The following MACROD1 variants were observed in gnomAD, a reference collection of about 807,000 sequenced individuals.
MACROD1 encodes mono-ADP ribosylhydrolase 1.
A neutral mutation model predicts 41.4 loss-of-function variants in MACROD1; 31 were observed. That is an observed-to-expected ratio of 0.75 (90% CI 0.56 to 1.01). The LOEUF is 1.01. Among genes scored for constraint, MACROD1 ranks in the 50% least tolerant of loss-of-function variants. MACROD1 has a pLI of 0.00. For missense variants in MACROD1, 473 were observed against 460.0 expected, an observed-to-expected ratio of 1.03 and a Z score of -0.26; for synonymous variants, 252 against 203.4, an observed-to-expected ratio of 1.24 and a Z score of -2.03.
chr11:64,066,460 T>A (rs1033448536), intron 3 of MACROD1, among the ~76,000 whole-genome samples: 1 of 149,972 alleles, frequency 6.7e-6, no homozygotes, highest in East Asian at 2.0e-4. Flanking sequence ...CTACAAAAAA[T>A]TTTAAAAAAT....
chr11:64,066,194 G>A (rs1418774672), intron 3 of MACROD1, among the ~76,000 whole-genome samples: 4 of 151,322 alleles, frequency 2.6e-5, no homozygotes, highest in Admixed American at 2.6e-4. Context: ...CTACTCAGGA[G>A]GCTGAGGCAG....
chr11:64,011,680 G>A (rs577879514), intron 4 of MACROD1, among the ~76,000 whole-genome samples: 18 of 152,164 alleles, frequency 1.2e-4, no homozygotes, highest in African/African-American at 4.1e-4. Context: ...GAGCAGGGCA[G>A]TGCATCAGGG....
intron 3 of MACROD1, among the ~76,000 whole-genome samples, chr11:64,133,783 C>T (rs1319088633): frequency 3.9e-5 from 6 of 152,244 alleles, no homozygotes; most frequent in East Asian, 1.9e-4. Flanking sequence ...TGCCCGGGTA[C>T]ATCTCCCTTG....
chr11:64,044,606 G>A (rs1342061087), intron 3 of MACROD1, among the ~76,000 whole-genome samples: 1 of 152,166 alleles, frequency 6.6e-6, no homozygotes, highest in East Asian at 1.9e-4. Flanking sequence ...CTGAGGCACT[G>A]AGTGGCAAAG....
intron 3 of MACROD1, among the ~76,000 whole-genome samples, chr11:64,093,385 C>T (rs541512548): frequency 8.5e-4 from 129 of 152,222 alleles, no homozygotes; most frequent in Non-Finnish European, 1.6e-3. Flanking sequence ...TTATACTCCC[C>T]GGTGGAGAGG....
At chr11:64,072,085 GAATCGACTGCTGAACT>G (rs1944119372) in intron 3 of MACROD1, among the ~76,000 whole-genome samples, 1 of 152,242 alleles carries the variant, frequency 6.6e-6, no homozygotes. Flanking sequence ...AGCCCGAATC[GAATCGACTGCTGAACT>G]CATAACCGCT....
At chr11:64,087,478 A>G (rs959808731) in intron 3 of MACROD1, among the ~76,000 whole-genome samples, 2 of 152,206 alleles carry the variant, frequency 1.3e-5, no homozygotes, top group African/African-American at 4.8e-5. Context: ...GGCAGGGTCC[A>G]GTTGGCCACA....
At chr11:64,160,693 A>G (rs1159508128) in intron 1 of MACROD1, among the ~76,000 whole-genome samples, 1 of 151,802 alleles carries the variant, frequency 6.6e-6, no homozygotes, top group Non-Finnish European at 1.5e-5. Flanking sequence ...GCACATGCCT[A>G]TAGTCCCAGC....
chr11:64,001,873 C>A, intron 4 of MACROD1: 1 of 663,036 alleles, frequency 1.5e-6, no homozygotes. Flanking sequence ...AGTTCACATC[C>A]TGGCTCTGCC....
intron 1 of MACROD1, among the ~76,000 whole-genome samples, chr11:64,159,336 A>T (rs1311737473): frequency 2.0e-5 from 3 of 151,048 alleles, no homozygotes; most frequent in African/African-American, 4.9e-5. Context: ...AAAAAAAAAA[A>T]AAATACAAAA....
chr11:64,159,767 C>T (rs576754663), intron 1 of MACROD1, among the ~76,000 whole-genome samples: 3 of 152,244 alleles, frequency 2.0e-5, no homozygotes, highest in East Asian at 3.9e-4. Flanking sequence ...GCACTCCAGC[C>T]TGGGCAACAA....
chr11:64,047,897 CAAAAA>C, intron 3 of MACROD1, among the ~76,000 whole-genome samples: 1 of 89,158 alleles, frequency 1.1e-5, no homozygotes. Context: ...AACTCCGTCT[CAAAAA>C]AAAAAAAAAA....
chr11:64,131,337 GACGTTT>G (rs1945262294), intron 3 of MACROD1, among the ~76,000 whole-genome samples: 1 of 151,080 alleles, frequency 6.6e-6, no homozygotes, highest in Non-Finnish European at 1.5e-5. Flanking sequence ...AGACCCTCGG[GACGTTT>G]TCTTTTTTTT....
chr11:64,092,545 G>A (rs1330979151), intron 3 of MACROD1, among the ~76,000 whole-genome samples: 2 of 152,224 alleles, frequency 1.3e-5, no homozygotes, highest in Admixed American at 6.5e-5. Context: ...GACCGCGTGT[G>A]GTCATGACAC....
chr11:64,055,454 T>C (rs925166850), intron 3 of MACROD1, among the ~76,000 whole-genome samples: 1 of 152,170 alleles, frequency 6.6e-6, no homozygotes, highest in African/African-American at 2.4e-5. Flanking sequence ...GGCAGGTAGC[T>C]CCTGGGGCCC....
intron 3 of MACROD1, among the ~76,000 whole-genome samples, chr11:64,142,936 C>T (rs927675502): frequency 4.6e-5 from 7 of 151,896 alleles, no homozygotes; most frequent in Non-Finnish European, 8.8e-5. Context: ...GGCAACATGG[C>T]GAGACCTCGT....
intron 3 of MACROD1, chr11:64,103,344 C>A (rs888776917): frequency 6.6e-6 from 1 of 152,220 alleles, no homozygotes; most frequent in South Asian, 2.1e-4. Flanking sequence ...CCCTTGCCCC[C>A]CAAGCATCTT....
chr11:64,009,789 CCT>C (rs1942971727), intron 4 of MACROD1, among the ~76,000 whole-genome samples: 1 of 152,222 alleles, frequency 6.6e-6, no homozygotes, highest in Non-Finnish European at 1.5e-5. Context: ...TCTCTGCTCC[CCT>C]GAGACTGCAG....
Position 63,998,822 on chromosome 11 carries a change from G to A in MACROD1, c.*30+16C>T. On this transcript the variant is annotated intron_variant, in intron 10 of 10. Coordinates refer to ENST00000255681, the MANE Select transcript of MACROD1 (RefSeq NM_014067.4). ...TCTAGGGCCGGGGCCGCCGCACGGGGCGAGGCCCTGCTTACCAGTCCCGGT... is the reference window on the plus strand; with the variant it reads ...TCTAGGGCCGGGGCCGCCGCACGGGACGAGGCCCTGCTTACCAGTCCCGGT... The A allele has an allele frequency of 1.9e-6, 3 of 1,545,218 alleles. No individual in the cohort carries two copies. The highest frequency in any genetic ancestry group is 1.7e-6 in the Non-Finnish European group (2 of 1,150,316).
Sources: gnomAD v4.1 joint callset for allele counts (sites outside exome capture counted in the v4.1 genomes callset) on GRCh38, gnomAD v4.1.1 for gene constraint, MANE v1.5 for transcripts, NCBI Gene and HGNC (gene_info 2026-07-23, HGNC 2026-07-21) for gene names.